VRK1: variants seen among roughly 807,000 people sequenced by gnomAD.
The protein encoded by VRK1 is serine/threonine-protein kinase VRK1.
In VRK1, 33 loss-of-function variants were observed where a neutral mutation model predicts 57.1. The ratio of observed to expected loss-of-function variants is 0.58; its 90% CI spans 0.44 to 0.77. The LOEUF (loss-of-function observed/expected upper bound fraction) is 0.77. Ranked by LOEUF, VRK1 falls within the 30% of genes least tolerant of loss-of-function variation. The pLI is 0.00. For missense variants in VRK1, 413 were observed against 477.3 expected (o/e 0.87, Z 1.25); for synonymous variants, 137 against 147.8 (o/e 0.93, Z 0.53).
chr14:96,812,701 G>C (rs1351539534), intron 1 of VRK1, among the ~76,000 whole-genome samples: 2 of 152,072 alleles, frequency 1.3e-5, no homozygotes, highest in South Asian at 4.1e-4. Context: ...TGTTCGTTCT[G>C]TATTAAGCAG....
intron 3 of VRK1, among the ~76,000 whole-genome samples, chr14:96,843,048 A>G (rs747705824): frequency 6.6e-6 from 1 of 152,354 alleles, no homozygotes; most frequent in Middle Eastern, 3.4e-3. Context: ...AGACATACCC[A>G]TTCAAGGTAG....
At position 96,799,620 on chromosome 14, in the gene VRK1, T is replaced by A. The variant is rs988648973; in HGVS notation, c.-6+2173T>A. Among the ~76,000 whole-genome samples the A allele has an allele frequency of 3.9e-5, 6 of 152,366 alleles. 1 individual carries two copies. In the South Asian group the frequency reaches 1.2e-3, roughly 32 times the overall value. On this transcript the variant is annotated intron_variant, in intron 1 of 12. Transcript: ENST00000216639. Reference sequence around the variant, plus strand: ...TCCTGAATTTATGCAAATGTGCAAATGCTTATATCTCCGTAGATCAGGCAG... The same window carrying A: ...TCCTGAATTTATGCAAATGTGCAAAAGCTTATATCTCCGTAGATCAGGCAG...
chr14:96,818,956 A>G (rs28483910), intron 1 of VRK1, among the ~76,000 whole-genome samples: 3,105 of 152,326 alleles, frequency 0.02, 115 homozygotes, highest in African/African-American at 0.07. Flanking sequence ...ATTTCTTAGC[A>G]CTAATCAAAT....
At chr14:96,868,342 A>G (rs191280050) in intron 11 of VRK1, among the ~76,000 whole-genome samples, 76 of 152,330 alleles carry the variant, frequency 5.0e-4, no homozygotes, top group African/African-American at 1.5e-3. Flanking sequence ...TAGACCAAGT[A>G]AATCAAAAGC....
At chr14:96,877,395 T>A in intron 12 of VRK1, 1 of 759,622 alleles carries the variant, frequency 1.3e-6, no homozygotes, top group Non-Finnish European at 1.9e-6. Flanking sequence ...AACTTCACAC[T>A]GAAGGCGAGA....
intron 12 of VRK1, among the ~76,000 whole-genome samples, chr14:96,878,104 C>CAGTA (rs1232512574): frequency 6.6e-6 from 1 of 152,092 alleles, no homozygotes. Flanking sequence ...TCCCCCATTA[C>CAGTA]AGTTCACTTT....
At chr14:96,838,052 C>G (rs1398820292) in intron 3 of VRK1, among the ~76,000 whole-genome samples, 14 of 152,010 alleles carry the variant, frequency 9.2e-5, no homozygotes, top group Non-Finnish European at 8.8e-5. Flanking sequence ...TGAAGGAAAG[C>G]ATAAAGGCAT....
chr14:96,846,053 A>AT (rs1243746395), intron 3 of VRK1, 42 bp from the exon 4 acceptor site: 5 of 1,537,742 alleles, frequency 3.3e-6, no homozygotes, highest in Non-Finnish European at 4.5e-6. Context: ...TATCTCAGTA[A>AT]TTTTAACTAC....
Position 96,807,701 on chromosome 14 carries a change from A to G in VRK1, c.-6+10254A>G, listed in dbSNP as rs758268086. On this transcript the variant is annotated intron_variant, in intron 1 of 12. Transcript: ENST00000216639. ...TAAAATCCCTGCATCTATCTAAGCT[A>G]TGTCTTTTCATCCTGTTTGTATGCA... Among the ~76,000 whole-genome samples the G allele has an allele frequency of 2.6e-5, 4 of 152,176 alleles. No homozygotes were observed. In the East Asian group the frequency reaches 5.8e-4, roughly 22 times the overall value.
chr14:96,815,413 A>G (rs1347692713), intron 1 of VRK1, among the ~76,000 whole-genome samples: 1 of 152,206 alleles, frequency 6.6e-6, no homozygotes, highest in Non-Finnish European at 1.5e-5. Flanking sequence ...AGTGAAAGCC[A>G]TTATTTGAGG....
intron 5 of VRK1, among the ~76,000 whole-genome samples, chr14:96,850,189 A>T (rs1887892046): frequency 6.6e-6 from 1 of 152,228 alleles, no homozygotes; most frequent in Non-Finnish European, 1.5e-5. Flanking sequence ...GAATCATTAT[A>T]GGTCTTAGAA....
chr14:96,835,208 A>G (rs758993336), intron 2 of VRK1, among the ~76,000 whole-genome samples: 1 of 152,208 alleles, frequency 6.6e-6, no homozygotes, highest in Non-Finnish European at 1.5e-5. Flanking sequence ...AAACAGCCAG[A>G]TTCAAGATCA....
chr14:96,819,923 G>A (rs1886535348), intron 1 of VRK1, among the ~76,000 whole-genome samples: 1 of 152,134 alleles, frequency 6.6e-6, no homozygotes, highest in Non-Finnish European at 1.5e-5. Context: ...ACGAATGCTG[G>A]CTCCAGGTGT....
At chr14:96,859,897 C>T (rs1022579671) in intron 10 of VRK1, among the ~76,000 whole-genome samples, 2 of 152,086 alleles carry the variant, frequency 1.3e-5, no homozygotes, top group Non-Finnish European at 1.5e-5. Context: ...GATGGATATA[C>T]AAGTCTGGAG....
At chr14:96,863,196 A>G (rs1888456936) in intron 11 of VRK1, among the ~76,000 whole-genome samples, 1 of 152,242 alleles carries the variant, frequency 6.6e-6, no homozygotes, top group African/African-American at 2.4e-5. Context: ...GAGATCAAGT[A>G]TACATCTGCC....
At chr14:96,877,383 A>G (rs1889083366) in intron 12 of VRK1, 5 of 618,032 alleles carry the variant, frequency 8.1e-6, no homozygotes, top group Non-Finnish European at 1.3e-5. Context: ...GAGGGAATAT[A>G]TAACTTCACA....
Position 96,876,061 on chromosome 14 carries a change from A to G in VRK1, c.1100A>G (p.Glu367Gly). ...AAGAAAGAAATTGAAGAAAGCAAGG[A>G]ACCTGGTGTTGAAGATACGGAATGG... ...KRKKEIEESK[E>G]PGVEDTEWSN... Residue 367 changes from glutamate (E) to glycine (G), a missense_variant, in exon 12 of 13, where the codon GAA becomes GGA. Glu to Gly is a moderately conservative substitution (Grantham distance 98). Transcript: ENST00000216639. 1.9e-6 allele frequency: 3 copies of G among 1,613,698 alleles called. No individual in the cohort carries two copies. Among genetic ancestry groups the G allele is most frequent in the Non-Finnish European group, 2.5e-6 (3 of 1,179,696 alleles).
At chr14:96,801,124 GT>G (rs569615207) in intron 1 of VRK1, among the ~76,000 whole-genome samples, 99 of 152,252 alleles carry the variant, frequency 6.5e-4, no homozygotes, top group African/African-American at 2.3e-3. Flanking sequence ...CTGTCTGGCT[GT>G]TTGTATGTCG....
chr14:96,841,021 A>C (rs1052137760), intron 3 of VRK1, among the ~76,000 whole-genome samples: 6 of 151,990 alleles, frequency 3.9e-5, no homozygotes, highest in South Asian at 2.1e-4. Context: ...ATGCCCGGCT[A>C]ATTTTTTTGA....
Sources: gnomAD v4.1 joint callset for allele counts (sites outside exome capture counted in the v4.1 genomes callset) on GRCh38, gnomAD v4.1.1 for gene constraint, MANE v1.5 for transcripts, NCBI Gene and HGNC (gene_info 2026-07-23, HGNC 2026-07-21) for gene names.